Variants in PDE10A observed in about 807,000 individuals in gnomAD.
The protein encoded by PDE10A is phosphodiesterase 10A.
A neutral mutation model predicts 97.7 loss-of-function variants in PDE10A; 39 were observed. That is an observed-to-expected ratio of 0.40 (90% confidence interval 0.31 to 0.52). PDE10A has a LOEUF of 0.52. Among genes scored for constraint, PDE10A ranks in the 20% least tolerant of loss-of-function variants. The pLI is 0.56. For synonymous variants in PDE10A, 371 were observed against 376.8 expected, an observed-to-expected ratio of 0.98 and a Z score of 0.18; for missense variants, 731 against 1,047.8, an observed-to-expected ratio of 0.70 and a Z score of 4.17.
intron 2 of PDE10A, among the ~76,000 whole-genome samples, chr6:165,504,718 C>T (rs1359844374): frequency 6.6e-6 from 1 of 151,872 alleles, no homozygotes; most frequent in Non-Finnish European, 1.5e-5. Flanking sequence ...ATTAACATAA[C>T]ATAAAATCTT....
At chr6:165,943,391 A>G (rs1361649285) in intron 1 of PDE10A, among the ~76,000 whole-genome samples, 1 of 150,200 alleles carries the variant, frequency 6.7e-6, no homozygotes, top group Non-Finnish European at 1.5e-5. Context: ...AACTGAGTAT[A>G]CAGATCTATT....
Position 165,712,282 on chromosome 6 carries a change from T to C in PDE10A, c.-614-168714A>G, listed in dbSNP as rs144898065. 1.7e-3 allele frequency among the ~76,000 whole-genome samples: 254 copies of C among 152,302 alleles called. 1 individual carries two copies. The highest frequency in any genetic ancestry group is 5.8e-3 in the African/African-American group (240 of 41,570). ...CCTTGAAGGACCGTTTCATGAAAAG[T>C]GATTAGCCGAATGCCCGAAGAGTAG... On this transcript the variant is annotated intron_variant, in intron 1 of 19. Coordinates refer to the PDE10A transcript ENST00000366882.
intron 1 of PDE10A, among the ~76,000 whole-genome samples, chr6:165,837,712 G>C (rs1780104707): frequency 7.6e-6 from 1 of 131,040 alleles, no homozygotes; most frequent in South Asian, 2.5e-4. Context: ...GGAGAACAGA[G>C]TCTCACTCCG....
chr6:165,563,579 A>T (rs2128339251), intron 1 of PDE10A, among the ~76,000 whole-genome samples: 1 of 152,304 alleles, frequency 6.6e-6, no homozygotes, highest in African/African-American at 2.4e-5. Context: ...TGCAAAAGAC[A>T]TAAACCATGG....
At chr6:165,968,804 T>C (rs914068003) in intron 1 of PDE10A, among the ~76,000 whole-genome samples, 9 of 152,208 alleles carry the variant, frequency 5.9e-5, no homozygotes, top group African/African-American at 2.2e-4. Flanking sequence ...AAATGATCAA[T>C]AAAGTCCTGA....
chr6:165,581,414 C>T lies in PDE10A; in HGVS notation c.866-37846G>A, dbSNP rs79559161. On this transcript the variant is annotated intron_variant, in intron 1 of 21. Transcript: ENST00000539869. The stretch of plus-strand genomic sequence containing the variant: ...AAGAGCTGAGAGAGAGATTCATGCC[C>T]TTATAAGAAATGAGAAAGAGATGAC... Among the ~76,000 whole-genome samples, 1,319 of 152,232 alleles carry T rather than the reference C, an allele frequency of 8.7e-3. 21 individuals carry two copies. Among genetic ancestry groups the T allele is most frequent in the African/African-American group, 0.03 (1,261 of 41,524 alleles).
At chr6:165,590,921 C>T (rs565217820) in intron 1 of PDE10A, among the ~76,000 whole-genome samples, 1 of 152,178 alleles carries the variant, frequency 6.6e-6, no homozygotes, top group Admixed American at 6.5e-5. Flanking sequence ...AGACATTTAA[C>T]TCAAGTACAA....
chr6:165,398,604 T>A (rs1259395604), intron 13 of PDE10A, among the ~76,000 whole-genome samples: 1 of 152,210 alleles, frequency 6.6e-6, no homozygotes, highest in Admixed American at 6.6e-5. Flanking sequence ...ATTTCCTTTG[T>A]TCTTTATGTC....
At chr6:165,463,636 C>A (rs192850100) in intron 3 of PDE10A, among the ~76,000 whole-genome samples, 85 of 152,196 alleles carry the variant, frequency 5.6e-4, no homozygotes, top group African/African-American at 1.9e-3. Context: ...TTGCTTTTAT[C>A]GATTTGCAAA....
At chr6:165,690,328 C>T (rs1047372485) in intron 1 of PDE10A, among the ~76,000 whole-genome samples, 1 of 152,212 alleles carries the variant, frequency 6.6e-6, no homozygotes, top group African/African-American at 2.4e-5. Context: ...AAAGAAATAG[C>T]CTTCAGCTTT....
At chr6:165,756,219 G>A (rs1053183841) in intron 1 of PDE10A, among the ~76,000 whole-genome samples, 2 of 152,074 alleles carry the variant, frequency 1.3e-5, no homozygotes, top group Non-Finnish European at 2.9e-5. Flanking sequence ...AAAAAGATTG[G>A]CAAAGTCCTT....
chr6:165,749,106 C>T (rs1029522088), intron 1 of PDE10A, among the ~76,000 whole-genome samples: 8 of 119,602 alleles, frequency 6.7e-5, no homozygotes, highest in South Asian at 2.7e-4. Flanking sequence ...CAGTTAATCA[C>T]GTAAGGAGAG....
At chr6:165,917,111 G>A (rs1185222345) in intron 1 of PDE10A, among the ~76,000 whole-genome samples, 1 of 152,120 alleles carries the variant, frequency 6.6e-6, no homozygotes, top group Non-Finnish European at 1.5e-5. Flanking sequence ...TTCCTTCCAC[G>A]GTGGCAACAG....
intron 1 of PDE10A, among the ~76,000 whole-genome samples, chr6:165,982,148 T>C (rs1785039535): frequency 6.6e-6 from 1 of 152,192 alleles, no homozygotes; most frequent in South Asian, 2.1e-4. Context: ...ACTCAGTCAC[T>C]GTTTCATCTG....
chr6:165,956,493 A>G (rs1428503831), intron 1 of PDE10A, among the ~76,000 whole-genome samples: 1 of 152,234 alleles, frequency 6.6e-6, no homozygotes, highest in Non-Finnish European at 1.5e-5. Flanking sequence ...AAGCAAATTA[A>G]TACAGAAATT....
At chr6:165,606,741 CAGATA>C (rs1787228124) in intron 1 of PDE10A, among the ~76,000 whole-genome samples, 1 of 152,106 alleles carries the variant, frequency 6.6e-6, no homozygotes, top group South Asian at 2.1e-4. Context: ...AAAAGGTCAA[CAGATA>C]AAACAGTAAA....
intron 2 of PDE10A, among the ~76,000 whole-genome samples, chr6:165,540,413 AT>A: frequency 6.6e-6 from 1 of 152,142 alleles, no homozygotes; most frequent in Middle Eastern, 3.4e-3. Flanking sequence ...GTTTTATTTC[AT>A]TTTCTTTTTT....
At chr6:165,843,241 C>A (rs1780311654) in intron 1 of PDE10A, among the ~76,000 whole-genome samples, 1 of 152,168 alleles carries the variant, frequency 6.6e-6, no homozygotes, top group African/African-American at 2.4e-5. Flanking sequence ...GTGAAGATGC[C>A]TTATAGGCTC....
At chr6:165,755,156 C>A (rs934982216) in intron 1 of PDE10A, among the ~76,000 whole-genome samples, 1 of 152,332 alleles carries the variant, frequency 6.6e-6, no homozygotes, top group African/African-American at 2.4e-5. Flanking sequence ...GAATTGGCAC[C>A]TAGCAGCCCC....
Sources: gnomAD v4.1 joint callset for allele counts (sites outside exome capture counted in the v4.1 genomes callset) on GRCh38, gnomAD v4.1.1 for gene constraint, MANE v1.5 for transcripts, NCBI Gene and HGNC (gene_info 2026-07-23, HGNC 2026-07-21) for gene names.